Variants in PREP observed in about 807,000 individuals in gnomAD.
PREP encodes prolyl endopeptidase.
A neutral mutation model predicts 87.6 loss-of-function variants in PREP; 29 were observed. The ratio of observed to expected loss-of-function variants is 0.33; its 90% CI spans 0.25 to 0.45. The LOEUF is 0.45. PREP is among the 20% of genes least tolerant of loss of function. The pLI is 1.00. For synonymous variants in PREP, 337 were observed against 328.6 expected (o/e 1.03, Z -0.28); for missense variants, 695 against 886.5 (o/e 0.78, Z 2.74).
chr6:105,304,966 C>T (rs1426595936), intron 10 of PREP, among the ~76,000 whole-genome samples: 3 of 152,096 alleles, frequency 2.0e-5, no homozygotes, highest in Admixed American at 2.0e-4. Flanking sequence ...TTTGGCAATG[C>T]CAGGGCAGAG....
At chr6:105,344,678 C>T (rs886835720) in intron 7 of PREP, among the ~76,000 whole-genome samples, 3 of 142,882 alleles carry the variant, frequency 2.1e-5, no homozygotes, top group African/African-American at 5.1e-5. Flanking sequence ...CAGGGCCTGT[C>T]GTGGGGTGGG....
At chr6:105,283,899 G>A (rs1770132577) in intron 12 of PREP, among the ~76,000 whole-genome samples, 1 of 152,166 alleles carries the variant, frequency 6.6e-6, no homozygotes, top group South Asian at 2.1e-4. Context: ...CTCAGAGCAT[G>A]GTGGACATCT....
chr6:105,402,784 A>T (rs1372690543), intron 1 of PREP, 63 bp downstream of exon 1: 1 of 1,440,350 alleles, frequency 6.9e-7, no homozygotes, highest in African/African-American at 1.4e-5. Flanking sequence ...TGCGGGTGCC[A>T]CGGGTCAGGC....
chr6:105,342,257 C>T (rs1040241308), intron 7 of PREP, among the ~76,000 whole-genome samples: 3 of 152,174 alleles, frequency 2.0e-5, no homozygotes, highest in Non-Finnish European at 4.4e-5. Flanking sequence ...CGTAATCCAT[C>T]ATATAAACAG....
At chr6:105,366,306 G>C (rs1361706235) in intron 6 of PREP, among the ~76,000 whole-genome samples, 2 of 152,164 alleles carry the variant, frequency 1.3e-5, no homozygotes, top group South Asian at 2.1e-4. Context: ...CTCAATTTTT[G>C]TGTGCCCTTT....
At chr6:105,377,146 T>C (rs1346191793) in intron 3 of PREP, among the ~76,000 whole-genome samples, 1 of 152,200 alleles carries the variant, frequency 6.6e-6, no homozygotes, top group East Asian at 1.9e-4. Flanking sequence ...AAGACGACGA[T>C]TTCCTATAAT....
chr6:105,290,458 C>G (rs185192593), intron 10 of PREP, among the ~76,000 whole-genome samples: 2 of 151,958 alleles, frequency 1.3e-5, no homozygotes, highest in Admixed American at 6.5e-5. Flanking sequence ...CCAACTACCC[C>G]CAGCTTCTCA....
At chr6:105,304,810 T>A (rs1007877480) in intron 10 of PREP, among the ~76,000 whole-genome samples, 3 of 152,136 alleles carry the variant, frequency 2.0e-5, no homozygotes, top group African/African-American at 7.2e-5. Flanking sequence ...TCCTTGTAAG[T>A]TGAAAAATAA....
chr6:105,391,746 G>C (rs547830381), intron 2 of PREP, among the ~76,000 whole-genome samples: 8 of 152,354 alleles, frequency 5.3e-5, no homozygotes, highest in Non-Finnish European at 1.5e-5. Context: ...GGGACCGGGA[G>C]ACCGACTGAG....
At chr6:105,353,173 C>A (rs1012489072) in intron 6 of PREP, 96 bp from the exon 7 acceptor site, 5 of 971,716 alleles carry the variant, frequency 5.1e-6, no homozygotes, top group Non-Finnish European at 7.7e-6. Flanking sequence ...GGTTAATTTT[C>A]AAAGGCAGTG....
intron 7 of PREP, among the ~76,000 whole-genome samples, chr6:105,333,945 T>C (rs912463127): frequency 3.9e-5 from 6 of 152,066 alleles, no homozygotes; most frequent in African/African-American, 1.4e-4. Flanking sequence ...TTTTCGGCTG[T>C]CACAACTTGA....
chr6:105,328,130 GAATT>G (rs1194398636), intron 9 of PREP, among the ~76,000 whole-genome samples: 1 of 152,128 alleles, frequency 6.6e-6, no homozygotes, highest in Non-Finnish European at 1.5e-5. Context: ...AACAACAGCA[GAATT>G]GATTCTCAGC....
chr6:105,374,870 C>T (rs1309438841), intron 4 of PREP, among the ~76,000 whole-genome samples: 6 of 151,892 alleles, frequency 4.0e-5, no homozygotes, highest in African/African-American at 9.7e-5. Context: ...TTTAGCTTCT[C>T]GCCCATCAAG....
At chr6:105,380,486 T>C (rs1162078099) in intron 2 of PREP, among the ~76,000 whole-genome samples, 1 of 152,094 alleles carries the variant, frequency 6.6e-6, no homozygotes, top group East Asian at 1.9e-4. Context: ...GAGAACAGAC[T>C]ATAGGGGAGC....
chr6:105,299,817 C>T (rs980023034), intron 10 of PREP, among the ~76,000 whole-genome samples: 1 of 151,982 alleles, frequency 6.6e-6, no homozygotes, highest in African/African-American at 2.4e-5. Flanking sequence ...TCTTCTTCCC[C>T]AAGACAATGA....
At chr6:105,369,122 C>G in intron 5 of PREP, 98 bp from the exon 6 acceptor site, 1 of 1,278,676 alleles carries the variant, frequency 7.8e-7, no homozygotes, top group Non-Finnish European at 1.1e-6. Context: ...TAACAAGTAG[C>G]TGGCTGCAGG....
chr6:105,364,333 T>C (rs1187738720), intron 6 of PREP, among the ~76,000 whole-genome samples: 1 of 152,208 alleles, frequency 6.6e-6, no homozygotes, highest in African/African-American at 2.4e-5. Context: ...CTAAAGCTGC[T>C]TCCTGATTGG....
In PREP at chr6:105,278,800, G is replaced by C. The variant is rs2114608084; in HGVS notation, c.1839-362C>G. On this transcript the variant is annotated intron_variant, in intron 14 of 14. Transcript: ENST00000652536. The surrounding 1 kb of genome is among the most constrained non-coding windows in gnomAD (Gnocchi z 4.2). Reference sequence around the variant, plus strand: ...ATAATTGTCATTATAACCACACTCAGTGGTTCAAAAAAAGTCCAAGCCTTT... The same window carrying C: ...ATAATTGTCATTATAACCACACTCACTGGTTCAAAAAAAGTCCAAGCCTTT... Among the ~76,000 whole-genome samples the C allele has an allele frequency of 6.6e-6, 1 of 152,184 alleles. No homozygotes were observed. The highest frequency in any genetic ancestry group is 2.4e-5 in the African/African-American group (1 of 41,522).
intron 10 of PREP, among the ~76,000 whole-genome samples, chr6:105,305,072 T>C (rs532663588): frequency 1.3e-5 from 2 of 152,320 alleles, no homozygotes; most frequent in South Asian, 2.1e-4. Flanking sequence ...GTGAAATCCA[T>C]TTCAAATCCT....
Sources: gnomAD v4.1 joint callset for allele counts (sites outside exome capture counted in the v4.1 genomes callset) on GRCh38, gnomAD v4.1.1 for gene constraint, Gnocchi (gnomAD v3.1) non-coding constraint, MANE v1.5 for transcripts, NCBI Gene and HGNC (gene_info 2026-07-23, HGNC 2026-07-21) for gene names.